RNF180: variants seen among roughly 807,000 people sequenced by gnomAD.
The protein encoded by RNF180 is E3 ubiquitin-protein ligase RNF180.
RNF180 carries 38 observed loss-of-function variants against 59.2 expected under a neutral mutation model. The ratio of observed to expected loss-of-function variants is 0.64; its 90% confidence interval spans 0.50 to 0.84. The LOEUF is 0.84. RNF180 is among the 40% of genes least tolerant of loss of function. The pLI is 0.00. For missense variants in RNF180, 705 were observed against 700.9 expected (o/e 1.01, Z -0.07); for synonymous variants, 262 against 240.3 (o/e 1.09, Z -0.84).
At position 64,304,360 on chromosome 5, in the gene RNF180, G is replaced by T. The variant is rs534465949; in HGVS notation, c.1228-20826G>T. Among the ~76,000 whole-genome samples the T allele has an allele frequency of 5.9e-5, 9 of 151,656 alleles. 1 individual carries two copies. Among genetic ancestry groups the T allele is most frequent in the African/African-American group, 2.2e-4 (9 of 41,438 alleles). ...TGCCATAGATAGTGATGCCTGTGAT[G>T]GATCTGGGCAAAGCACATGGAAAAC... On this transcript the variant is annotated intron_variant, in intron 5 of 7. Transcript: ENST00000389100.
chr5:64,277,959 G>A (rs1369718969), intron 5 of RNF180, among the ~76,000 whole-genome samples: 1 of 152,152 alleles, frequency 6.6e-6, no homozygotes, highest in Non-Finnish European at 1.5e-5. Flanking sequence ...AGAAGAAGAG[G>A]GCTGGGGAAA....
intron 1 of RNF180, among the ~76,000 whole-genome samples, chr5:64,171,140 AT>A (rs1490068749): frequency 1.3e-5 from 2 of 152,180 alleles, no homozygotes. Flanking sequence ...CAGAGACAGA[AT>A]TTTAGGCCAA....
intron 5 of RNF180, among the ~76,000 whole-genome samples, chr5:64,305,453 A>G (rs1743392863): frequency 6.6e-6 from 1 of 150,844 alleles, no homozygotes; most frequent in Non-Finnish European, 1.5e-5. Context: ...AAATGCAGCC[A>G]GTAGCAACCA....
intron 7 of RNF180, among the ~76,000 whole-genome samples, chr5:64,367,646 T>C (rs995073428): frequency 3.3e-5 from 5 of 151,672 alleles, no homozygotes; most frequent in African/African-American, 1.2e-4. Context: ...ATGAGCATAC[T>C]AATACCCAGG....
At chr5:64,185,264 TTGTC>T (rs1358217208) in intron 1 of RNF180, among the ~76,000 whole-genome samples, 2 of 152,226 alleles carry the variant, frequency 1.3e-5, no homozygotes, top group Non-Finnish European at 2.9e-5. Flanking sequence ...ATAACAGTGT[TTGTC>T]TGGTAGATTA....
intron 2 of RNF180, among the ~76,000 whole-genome samples, chr5:64,205,677 C>T (rs1366735570): frequency 6.6e-6 from 1 of 151,976 alleles, no homozygotes; most frequent in African/African-American, 2.4e-5. Flanking sequence ...TTAGGTGAAG[C>T]TGTGAGAGTA....
chr5:64,245,924 A>G (rs150624348), intron 5 of RNF180, among the ~76,000 whole-genome samples: 239 of 152,366 alleles, frequency 1.6e-3, no homozygotes, highest in African/African-American at 5.0e-3. Context: ...AGTCTCTCAG[A>G]TGACAGTGCA....
At chr5:64,236,865 T>C (rs1369040907) in intron 5 of RNF180, among the ~76,000 whole-genome samples, 1 of 152,126 alleles carries the variant, frequency 6.6e-6, no homozygotes, top group Non-Finnish European at 1.5e-5. Flanking sequence ...TTCCACATGG[T>C]GTTGGGCCTG....
intron 1 of RNF180, 88 bp from the exon 2 acceptor site, chr5:64,200,720 C>T: frequency 8.9e-7 from 1 of 1,117,832 alleles, no homozygotes; most frequent in Non-Finnish European, 1.3e-6. Flanking sequence ...CTTTACTGTC[C>T]ACTTGTAGCT....
chr5:64,244,915 A>C (rs1161011376), intron 5 of RNF180, among the ~76,000 whole-genome samples: 1 of 140,702 alleles, frequency 7.1e-6, no homozygotes. Flanking sequence ...ACAAGCCAGA[A>C]GAGAGTGAGG....
At chr5:64,214,581 A>C (rs113840590) in intron 4 of RNF180, 64 bp downstream of exon 4, 227 of 1,431,386 alleles carry the variant, frequency 1.6e-4, no homozygotes, top group African/African-American at 1.0e-3. Flanking sequence ...TGGGGAGTGG[A>C]GCTAACTTTC....
intron 5 of RNF180, among the ~76,000 whole-genome samples, chr5:64,314,925 A>G (rs1027037110): frequency 2.6e-5 from 4 of 152,198 alleles, no homozygotes; most frequent in African/African-American, 7.2e-5. Context: ...GCAAAACTTG[A>G]CAAGCACTAG....
At chr5:64,299,159 T>C (rs917744391) in intron 5 of RNF180, among the ~76,000 whole-genome samples, 1 of 151,992 alleles carries the variant, frequency 6.6e-6, no homozygotes, top group Non-Finnish European at 1.5e-5. Context: ...AACCAAGGAA[T>C]CAGGCCCTTA....
chr5:64,318,742 A>G (rs1744192229), intron 5 of RNF180, among the ~76,000 whole-genome samples: 1 of 152,212 alleles, frequency 6.6e-6, no homozygotes, highest in Non-Finnish European at 1.5e-5. Flanking sequence ...GAACACAGCA[A>G]TATACCATCA....
At chr5:64,307,213 A>G (rs1743519028) in intron 5 of RNF180, among the ~76,000 whole-genome samples, 1 of 150,368 alleles carries the variant, frequency 6.7e-6, no homozygotes, top group Non-Finnish European at 1.5e-5. Context: ...TCTCAACACA[A>G]TACTCTAAAT....
intron 7 of RNF180, among the ~76,000 whole-genome samples, chr5:64,357,811 A>G (rs1390954410): frequency 1.3e-5 from 2 of 151,890 alleles, no homozygotes; most frequent in African/African-American, 2.4e-5. Context: ...TAGCGAAAAA[A>G]AGTCATAGCC....
At chr5:64,318,796 A>T (rs1744195425) in intron 5 of RNF180, among the ~76,000 whole-genome samples, 1 of 152,160 alleles carries the variant, frequency 6.6e-6, no homozygotes, top group African/African-American at 2.4e-5. Context: ...AAACAATTGG[A>T]TTTGCATTTA....
chr5:64,326,924 C>A (rs1744672948), intron 6 of RNF180, among the ~76,000 whole-genome samples: 1 of 152,088 alleles, frequency 6.6e-6, no homozygotes, highest in Non-Finnish European at 1.5e-5. Context: ...GCAGTGAAGG[C>A]CTCCACAGCT....
chr5:64,293,113 T>C (rs564172042), intron 5 of RNF180, among the ~76,000 whole-genome samples: 7 of 152,276 alleles, frequency 4.6e-5, no homozygotes, highest in African/African-American at 1.7e-4. Flanking sequence ...TCTTAACTTG[T>C]GAGGGGAGCT....
Sources: allele counts gnomAD v4.1 joint callset (sites outside exome capture counted in the v4.1 genomes callset), GRCh38; gene constraint gnomAD v4.1.1; transcripts MANE v1.5; gene names NCBI Gene and HGNC (gene_info 2026-07-23, HGNC 2026-07-21).